The following TMEM132E variants were observed in gnomAD, a reference collection of about 807,000 sequenced individuals.
TMEM132E encodes the protein transmembrane protein 132E.
A neutral mutation model predicts 78.5 loss-of-function variants in TMEM132E; 49 were observed. The observed-to-expected ratio is 0.62, with a 90% CI of 0.50 to 0.79. The LOEUF (loss-of-function observed/expected upper bound fraction) is 0.79. TMEM132E is among the 30% of genes least tolerant of loss of function. TMEM132E has a pLI of 0.00. For synonymous variants in TMEM132E, 715 were observed against 670.6 expected, an observed-to-expected ratio of 1.07 and a Z score of -1.02; for missense variants, 1,403 against 1,470.9, an observed-to-expected ratio of 0.95 and a Z score of 0.75.
chr17:34,611,564 C>T (rs1906594939), intron 1 of TMEM132E, among the ~76,000 whole-genome samples: 1 of 152,026 alleles, frequency 6.6e-6, no homozygotes, highest in African/African-American at 2.4e-5. Context: ...TATAATAAGG[C>T]GTAGGCTTGG....
intron 1 of TMEM132E, among the ~76,000 whole-genome samples, chr17:34,582,078 C>T (rs1013508193): frequency 6.6e-6 from 1 of 151,216 alleles, no homozygotes; most frequent in Admixed American, 6.6e-5. Flanking sequence ...AGTGGAGAAG[C>T]GGGGCCCTCT....
chr17:34,635,746 G>A (rs962452075), intron 7 of TMEM132E: 4 of 369,226 alleles, frequency 1.1e-5, no homozygotes, highest in Non-Finnish European at 1.9e-5. Context: ...CCATGCGGGG[G>A]TTGTTGTTTT....
At chr17:34,599,226 G>A (rs1693014277) in intron 1 of TMEM132E, among the ~76,000 whole-genome samples, 1 of 152,226 alleles carries the variant, frequency 6.6e-6, no homozygotes, top group Non-Finnish European at 1.5e-5. Flanking sequence ...AAGAGGGTAT[G>A]TGGAGAATCA....
intron 1 of TMEM132E, among the ~76,000 whole-genome samples, chr17:34,622,335 A>C (rs536446044): frequency 9.6e-4 from 146 of 152,340 alleles, no homozygotes; most frequent in African/African-American, 3.4e-3. Flanking sequence ...GTTAGGTCTC[A>C]GGGACCCACC....
At chr17:34,618,788 G>A (rs538048421) in intron 1 of TMEM132E, among the ~76,000 whole-genome samples, 38 of 152,172 alleles carry the variant, frequency 2.5e-4, no homozygotes, top group Non-Finnish European at 4.7e-4. Context: ...CCACTGCAAC[G>A]CTCTGCTCCA....
intron 7 of TMEM132E, among the ~76,000 whole-genome samples, chr17:34,635,343 A>C (rs1393498814): frequency 6.6e-6 from 1 of 152,166 alleles, no homozygotes; most frequent in Non-Finnish European, 1.5e-5. Flanking sequence ...GAGGGGGAGC[A>C]GGTGAGAGTC....
chr17:34,636,744 T>C (rs897750861), intron 8 of TMEM132E, among the ~76,000 whole-genome samples: 1 of 152,226 alleles, frequency 6.6e-6, no homozygotes, highest in African/African-American at 2.4e-5. Context: ...CAGAAGGTTT[T>C]AGCCAACAGG....
rs377025758 is a variant in TMEM132E, at chr17:34,581,386, G to A, written c.67+243G>A. 8.0e-4 allele frequency among the ~76,000 whole-genome samples: 122 copies of A among 152,180 alleles called. 3 individuals are homozygous for A. In the South Asian group the frequency reaches 0.019, roughly 23 times the overall value. ...AGGGTGTCGCTCCAGTCCTCTCCTGGTTATAAAGAAGGGTTCGAACCCGAA... is the reference window on the plus strand; with the variant it reads ...AGGGTGTCGCTCCAGTCCTCTCCTGATTATAAAGAAGGGTTCGAACCCGAA... On this transcript the variant is annotated intron_variant, in intron 1 of 8. Transcript: ENST00000631683.
Position 34,580,770 on chromosome 17 carries a change from C to A in TMEM132E, c.-307C>A. ...GTAGCCCCCGGGACGCCCGCGGCCA[C>A]CGGGCTCCGGACTGCACGTGCAGCT... is the stretch of plus-strand genomic sequence containing the variant. On this transcript the variant is annotated 5_prime_UTR_variant, in exon 1 of 9. Transcript: ENST00000631683. The A allele has an allele frequency of 3.1e-6, 1 of 325,226 alleles. No homozygotes were observed. Among genetic ancestry groups the A allele is most frequent in the Non-Finnish European group, 5.6e-6 (1 of 177,902 alleles). 20.1% of individuals were successfully genotyped at this position (325,226 alleles called of 1,614,324 possible). A position where few individuals can be genotyped will look rare whatever the true frequency, so the allele number is the denominator to read the frequency against.
intron 4 of TMEM132E, 90 bp from the exon 5 acceptor site, chr17:34,629,918 G>T: frequency 7.1e-7 from 1 of 1,414,876 alleles, no homozygotes; most frequent in Non-Finnish European, 9.4e-7. Flanking sequence ...GAGGAGTGGG[G>T]GGGGAGCGTC....
chr17:34,590,719 T>C (rs1192185987), intron 1 of TMEM132E, among the ~76,000 whole-genome samples: 1 of 152,184 alleles, frequency 6.6e-6, no homozygotes, highest in Non-Finnish European at 1.5e-5. Context: ...GGGTATGTAA[T>C]TGGTAACTCT....
intron 1 of TMEM132E, among the ~76,000 whole-genome samples, chr17:34,625,441 G>A (rs1907085562): frequency 6.6e-6 from 1 of 152,130 alleles, no homozygotes; most frequent in African/African-American, 2.4e-5. Context: ...GAGAGTCAGG[G>A]GACCCCAGGT....
rs1330972441 is a variant in TMEM132E, at chr17:34,626,927, C to T, written c.868C>T (p.Leu290=). ...CAGGAGGACCCTGCAGGAGCACAGG[C>T]TGGACAGCAACCTGATGATCCGCCT... ...PPRRTLQEHR[L]DSNLMIRLPD... is the part of the protein sequence containing the mutation. Residue 290 remains leucine, a synonymous_variant, in exon 2 of 9, where the codon CTG becomes TTG. Transcript: ENST00000631683. The T allele has an allele frequency of 1.9e-6, 3 of 1,613,774 alleles. No individual in the cohort carries two copies. The Admixed American group carries it at 5.0e-5, about 27-fold the overall frequency.
chr17:34,632,925 C>A lies in TMEM132E; in HGVS notation c.1688+16C>A, dbSNP rs1408426858. ...CCGACCGGAGGTACAGCCCCTCTCCCATGGCGGATACTTGGGAAACTCATG... is the reference window on the plus strand; with the variant it reads ...CCGACCGGAGGTACAGCCCCTCTCCAATGGCGGATACTTGGGAAACTCATG... On this transcript the variant is annotated intron_variant, in intron 6 of 8. Transcript: ENST00000631683. 6.2e-7 allele frequency: 1 copy of A among 1,613,676 alleles called. No individual in the cohort carries two copies. The highest frequency in any genetic ancestry group is 8.5e-7 in the Non-Finnish European group (1 of 1,179,886).
chr17:34,618,775 T>G (rs896472998), intron 1 of TMEM132E, among the ~76,000 whole-genome samples: 2 of 152,230 alleles, frequency 1.3e-5, no homozygotes, highest in Admixed American at 1.3e-4. Flanking sequence ...ACCCAGGTTT[T>G]TCCCACTGCA....
At chr17:34,605,514 A>C (rs1314938548) in intron 1 of TMEM132E, among the ~76,000 whole-genome samples, 1 of 152,126 alleles carries the variant, frequency 6.6e-6, no homozygotes, top group Non-Finnish European at 1.5e-5. Flanking sequence ...TGGGCTGAAC[A>C]CAGACAGGGA....
chr17:34,588,021 G>A lies in TMEM132E; in HGVS notation c.67+6878G>A, dbSNP rs1322798167. The stretch of plus-strand genomic sequence containing the variant: ...CAGCCATGCGGGCCCTTATACCTGA[G>A]TGAGTCCTGCCGGGTGCTGTCAGGG... On this transcript the variant is annotated intron_variant, in intron 1 of 8. Transcript: ENST00000631683. 2.6e-5 allele frequency among the ~76,000 whole-genome samples: 4 copies of A among 152,212 alleles called. No homozygotes were observed. In the East Asian group the frequency reaches 5.8e-4, roughly 22 times the overall value.
chr17:34,623,668 G>A (rs1450007585), intron 1 of TMEM132E, among the ~76,000 whole-genome samples: 2 of 152,226 alleles, frequency 1.3e-5, no homozygotes, highest in South Asian at 2.1e-4. Flanking sequence ...CACAACTTTA[G>A]AGGTGGAAAT....
chr17:34,614,276 C>G (rs1159588929), intron 1 of TMEM132E: 1 of 152,312 alleles, frequency 6.6e-6, no homozygotes, highest in African/African-American at 2.4e-5. Flanking sequence ...AATAAACCTC[C>G]TGACCCCTAT....
Sources: gnomAD v4.1 joint callset for allele counts (sites outside exome capture counted in the v4.1 genomes callset) on GRCh38, gnomAD v4.1.1 for gene constraint, MANE v1.5 for transcripts, NCBI Gene and HGNC (gene_info 2026-07-23, HGNC 2026-07-21) for gene names.